The following PLCB4 variants were observed in gnomAD, a reference collection of about 807,000 sequenced individuals.
PLCB4 encodes 1-phosphatidylinositol 4,5-bisphosphate phosphodiesterase beta-4.
A neutral mutation model predicts 178.8 loss-of-function variants in PLCB4; 77 were observed. The observed-to-expected ratio is 0.43, with a 90% CI of 0.36 to 0.52. The LOEUF is 0.52. PLCB4 is among the 20% of genes least tolerant of loss of function. The pLI is 0.00. For synonymous variants in PLCB4, 496 were observed against 490.8 expected (o/e 1.01, Z -0.14); for missense variants, 1,024 against 1,453.4 (o/e 0.70, Z 4.80).
intron 1 of PLCB4, among the ~76,000 whole-genome samples, chr20:9,080,815 TC>T (rs766665005): frequency 3.9e-5 from 6 of 152,194 alleles, no homozygotes; most frequent in Admixed American, 6.5e-5. Flanking sequence ...GACATTGAAG[TC>T]TATGGGGACT....
intron 2 of PLCB4, among the ~76,000 whole-genome samples, chr20:9,100,748 G>A (rs6056403): frequency 0.48 from 72,424 of 152,000 alleles, 17,908 homozygotes; most frequent in Middle Eastern, 0.57. Flanking sequence ...TGGTATGCCT[G>A]TTTTATTGCT....
intron 4 of PLCB4, among the ~76,000 whole-genome samples, chr20:9,312,394 A>ACACG (rs796244755): frequency 1.5e-4 from 21 of 144,018 alleles, no homozygotes; most frequent in South Asian, 2.2e-4. Flanking sequence ...ACACACACAC[A>ACACG]CACGCACGCA....
chr20:9,361,277 A>G (rs564808365), intron 7 of PLCB4, among the ~76,000 whole-genome samples: 1 of 152,334 alleles, frequency 6.6e-6, no homozygotes, highest in Admixed American at 6.5e-5. Flanking sequence ...AGGTGAATGG[A>G]TGAGTGTATT....
At chr20:9,173,525 G>T (rs923476607) in intron 2 of PLCB4, among the ~76,000 whole-genome samples, 11 of 152,126 alleles carry the variant, frequency 7.2e-5, no homozygotes, top group African/African-American at 2.2e-4. Context: ...TCTTGATGTT[G>T]GTAGTCAAAT....
intron 30 of PLCB4, among the ~76,000 whole-genome samples, chr20:9,441,417 GA>G (rs774240272): frequency 1.4e-4 from 21 of 152,286 alleles, no homozygotes; most frequent in South Asian, 1.0e-3. Context: ...TTTCTTTCCA[GA>G]AAACTGTCTT....
At chr20:9,370,705 T>A (rs2036177283) in intron 9 of PLCB4, among the ~76,000 whole-genome samples, 1 of 151,888 alleles carries the variant, frequency 6.6e-6, no homozygotes, top group Admixed American at 6.6e-5. Context: ...GTCAGGAGTT[T>A]GAGACCAGCC....
At chr20:9,219,958 A>C (rs1026124596) in intron 3 of PLCB4, among the ~76,000 whole-genome samples, 3 of 152,204 alleles carry the variant, frequency 2.0e-5, no homozygotes, top group African/African-American at 7.2e-5. Flanking sequence ...TCTTATTTCT[A>C]TAAAGGCAAA....
chr20:9,075,585 A>G (rs6118470), intron 1 of PLCB4, among the ~76,000 whole-genome samples: 132,724 of 152,160 alleles, frequency 0.87, 58,342 homozygotes, highest in East Asian at 1. Context: ...TCTAAGGGCC[A>G]AGTAAGTGAA....
intron 13 of PLCB4, among the ~76,000 whole-genome samples, chr20:9,383,826 T>G (rs147218969): frequency 6.6e-6 from 1 of 152,202 alleles, no homozygotes; most frequent in Non-Finnish European, 1.5e-5. Context: ...TCCAGTCTTT[T>G]TCCCCAATTG....
intron 4 of PLCB4, among the ~76,000 whole-genome samples, chr20:9,320,105 G>A (rs568283412): frequency 2.8e-4 from 43 of 152,236 alleles, no homozygotes; most frequent in African/African-American, 7.2e-4. Context: ...CAGAAGAATC[G>A]CTATTCCATA....
At chr20:9,323,337 T>A (rs2029864029) in intron 4 of PLCB4, among the ~76,000 whole-genome samples, 1 of 152,256 alleles carries the variant, frequency 6.6e-6, no homozygotes, top group Non-Finnish European at 1.5e-5. Context: ...CTGGATGTTT[T>A]ATTTGTTACA....
chr20:9,337,937 C>T (rs1232981248), intron 5 of PLCB4, 71 bp from the exon 6 acceptor site: 6 of 1,203,846 alleles, frequency 5.0e-6, no homozygotes, highest in Non-Finnish European at 6.1e-6. Flanking sequence ...AAATTTTTGC[C>T]AAGCAGTTTG....
intron 1 of PLCB4, among the ~76,000 whole-genome samples, chr20:9,077,188 G>A (rs541520054): frequency 8.5e-5 from 13 of 152,228 alleles, no homozygotes; most frequent in South Asian, 2.1e-4. Flanking sequence ...TTGATAGTAC[G>A]GATGTACTGT....
At chr20:9,100,896 G>C (rs2091120893) in intron 2 of PLCB4, among the ~76,000 whole-genome samples, 1 of 152,132 alleles carries the variant, frequency 6.6e-6, no homozygotes, top group Non-Finnish European at 1.5e-5. Flanking sequence ...TCTCGACAGT[G>C]CCACAGCTTC....
chr20:9,379,581 CT>C (rs1453761412), intron 12 of PLCB4, among the ~76,000 whole-genome samples: 1 of 152,094 alleles, frequency 6.6e-6, no homozygotes, highest in Non-Finnish European at 1.5e-5. Flanking sequence ...TGATGTTTGC[CT>C]GTGTAACATT....
chr20:9,248,244 G>C (rs994791094), intron 3 of PLCB4, among the ~76,000 whole-genome samples: 3 of 152,040 alleles, frequency 2.0e-5, no homozygotes, highest in Non-Finnish European at 4.4e-5. Context: ...CATGTACTGT[G>C]ATTAATACTC....
intron 3 of PLCB4, among the ~76,000 whole-genome samples, chr20:9,289,601 T>C (rs896722785): frequency 6.6e-6 from 1 of 152,040 alleles, no homozygotes; most frequent in Non-Finnish European, 1.5e-5. Context: ...TTAAACTACC[T>C]CTTATTAAAG....
intron 28 of PLCB4, among the ~76,000 whole-genome samples, chr20:9,431,680 G>T (rs1421211727): frequency 1.4e-5 from 2 of 146,290 alleles, no homozygotes; most frequent in African/African-American, 2.6e-5. Context: ...GTGTGTGTGT[G>T]TGTATTTTTA....
intron 3 of PLCB4, among the ~76,000 whole-genome samples, chr20:9,293,546 G>T (rs773009193): frequency 8.5e-5 from 13 of 152,170 alleles, no homozygotes; most frequent in Non-Finnish European, 1.9e-4. Flanking sequence ...GTGTGTTTGT[G>T]TAAGAGAAGA....
Sources: gnomAD v4.1 joint callset for allele counts (sites outside exome capture counted in the v4.1 genomes callset) on GRCh38, gnomAD v4.1.1 for gene constraint, MANE v1.5 for transcripts, NCBI Gene and HGNC (gene_info 2026-07-23, HGNC 2026-07-21) for gene names.